SEC14L3: variants seen among roughly 807,000 people sequenced by gnomAD.
The protein encoded by SEC14L3 is SEC14-like protein 3.
In SEC14L3, 56 loss-of-function variants were observed where a neutral mutation model predicts 57.4. The ratio of observed to expected loss-of-function variants is 0.97; its 90% CI spans 0.79 to 1.22. The LOEUF is 1.22. Among genes scored for constraint, SEC14L3 ranks in the 50% most tolerant of loss-of-function variants. SEC14L3 has a pLI of 0.00. For missense variants in SEC14L3, 485 were observed against 511.7 expected, an observed-to-expected ratio of 0.95 and a Z score of 0.50; for synonymous variants, 173 against 194.4, an observed-to-expected ratio of 0.89 and a Z score of 0.92.
downstream of SEC14L3, among the ~76,000 whole-genome samples, chr22:30,454,948 TATATATCATATAATA>T (rs1569225468): frequency 3.0e-3 from 100 of 33,422 alleles, no homozygotes; most frequent in African/African-American, 0.012. Context: ...AATATATTAT[TATATATCATATAATA>T]GATATATAAT....
At chr22:30,453,112 T>A (rs1051331848) in intron 12 of SEC14L3, among the ~76,000 whole-genome samples, 1 of 152,176 alleles carries the variant, frequency 6.6e-6, no homozygotes, top group Non-Finnish European at 1.5e-5. Flanking sequence ...ACTAGAAAAT[T>A]CAGGTACCTC....
At chr22:30,470,359 T>A (rs991686612) in intron 2 of SEC14L3, 104 bp from the exon 3 acceptor site, 9 of 1,589,082 alleles carry the variant, frequency 5.7e-6, no homozygotes, top group Non-Finnish European at 7.7e-6. Context: ...GAGACCTTGC[T>A]CCCCTACCCC....
chr22:30,448,355 C>G (rs1275701592), exon 13 of SEC14L3: 2 of 152,208 alleles, frequency 1.3e-5, no homozygotes, highest in African/African-American at 4.8e-5. Flanking sequence ...TTGACCGTCA[C>G]AGTGCATCTG....
intron 12 of SEC14L3, among the ~76,000 whole-genome samples, chr22:30,453,472 G>A (rs1935024981): frequency 6.6e-6 from 1 of 152,128 alleles, no homozygotes; most frequent in South Asian, 2.1e-4. Flanking sequence ...GGGTGCAATG[G>A]CGCAATCTCA....
chr22:30,454,602 T>TATA (rs10677218), downstream of SEC14L3, among the ~76,000 whole-genome samples: 60,737 of 95,656 alleles, frequency 0.63, 20,117 homozygotes, highest in African/African-American at 0.81. Context: ...ATATATAATC[T>TATA]ATAATATTAT....
At chr22:30,455,135 T>A (rs796883226), downstream of SEC14L3, among the ~76,000 whole-genome samples, 326 of 96,474 alleles carry the variant, frequency 3.4e-3, 1 homozygote, top group East Asian at 6.7e-3. Context: ...ATATTATATT[T>A]AATATTTAAT....
chr22:30,455,298 G>A (rs558151355), downstream of SEC14L3, among the ~76,000 whole-genome samples: 282 of 141,954 alleles, frequency 2.0e-3, 2 homozygotes, highest in African/African-American at 7.1e-3. Context: ...GCCCAGGCTG[G>A]AGTGCAGTGA....
At chr22:30,454,859 TTA>T (rs1569225310), downstream of SEC14L3, among the ~76,000 whole-genome samples, 79 of 47,826 alleles carry the variant, frequency 1.7e-3, 3 homozygotes, top group South Asian at 2.2e-3. Context: ...TATTATATTA[TTA>T]TATAATACAT....
At chr22:30,454,494 T>TATTATATATA (rs1197240632), downstream of SEC14L3, among the ~76,000 whole-genome samples, 1 of 141,584 alleles carries the variant, frequency 7.1e-6, no homozygotes, top group Non-Finnish European at 1.5e-5. Context: ...ATAATAATAT[T>TATTATATATA]ATTATATATA....
intron 12 of SEC14L3, among the ~76,000 whole-genome samples, chr22:30,449,581 T>C (rs1189264387): frequency 6.9e-6 from 1 of 143,926 alleles, no homozygotes; most frequent in Non-Finnish European, 1.5e-5. Context: ...TTTTTTTTTT[T>C]TGAGATGGAG....
Position 30,470,261 on chromosome 22 carries a change from G to C in SEC14L3, c.131-6C>G, listed in dbSNP as rs1319639496. ...CTGCAAGTCAAAATTCCGAGCTGTGGGAAAACAGAAGGAAGGTGTGAGACA... is the reference window on the plus strand; with the variant it reads ...CTGCAAGTCAAAATTCCGAGCTGTGCGAAAACAGAAGGAAGGTGTGAGACA... On this transcript the variant is annotated splice_region_variant and splice_polypyrimidine_tract_variant and intron_variant, in intron 2 of 11. Coordinates refer to ENST00000215812, the MANE Select transcript of SEC14L3 (RefSeq NM_174975.5). 6.2e-7 allele frequency: 1 copy of C among 1,612,838 alleles called. No homozygotes were observed. The highest frequency in any genetic ancestry group is 8.5e-7 in the Non-Finnish European group (1 of 1,179,502).
At chr22:30,469,331 A>G (rs1471244177) in intron 4 of SEC14L3, among the ~76,000 whole-genome samples, 1 of 151,732 alleles carries the variant, frequency 6.6e-6, no homozygotes, top group Non-Finnish European at 1.5e-5. Flanking sequence ...AAAAAAGCAG[A>G]TACTGCTGCT....
chr22:30,460,828 CAAAAAAAAAAAA>C (rs747778887), intron 11 of SEC14L3, among the ~76,000 whole-genome samples: 7 of 104,424 alleles, frequency 6.7e-5, no homozygotes, highest in African/African-American at 2.2e-4. Context: ...AACTCTGTCT[CAAAAAAAAAAAA>C]AAAAAAAAAA....
At chr22:30,466,882 A>T in intron 6 of SEC14L3, 100 bp downstream of exon 6, 1 of 1,155,872 alleles carries the variant, frequency 8.7e-7, no homozygotes, top group Non-Finnish European at 1.2e-6. Context: ...AGCCCAGGAC[A>T]TTTTTAAACT....
intron 7 of SEC14L3, among the ~76,000 whole-genome samples, chr22:30,466,086 T>A (rs995786914): frequency 6.6e-6 from 1 of 152,178 alleles, no homozygotes; most frequent in Admixed American, 6.5e-5. Flanking sequence ...GAGATCATCA[T>A]GGACAGGAGA....
Position 30,460,137 on chromosome 22 carries a change from G to A in SEC14L3, c.1087C>T (p.Leu363=), listed in dbSNP as rs1238175490. The change falls in exon 12 of 12, where the codon CTA becomes TTA. Residue 363 remains leucine (L), a synonymous_variant. Coordinates refer to ENST00000215812, the MANE Select transcript of SEC14L3 (RefSeq NM_174975.5). ...AAGCTATAGGTGTTGTCGAAGCGTAGGACATCTGGGGGACAGATGGAAAGA... is the reference window on the plus strand; with the variant it reads ...AAGCTATAGGTGTTGTCGAAGCGTAAGACATCTGGGGGACAGATGGAAAGA... The part of the protein sequence containing the change: ...LTCSEAGVYV[L]RFDNTYSFVH... 1 of 1,613,824 alleles carries A rather than the reference G, an allele frequency of 6.2e-7. No individual in the cohort carries two copies. Among genetic ancestry groups the A allele is most frequent in the Admixed American group, 1.7e-5 (1 of 60,020 alleles).
At chr22:30,447,896 C>G (rs1934908363), downstream of SEC14L3, 1 of 151,576 alleles carries the variant, frequency 6.6e-6, no homozygotes, top group African/African-American at 2.4e-5. Context: ...GGTTCCTTCC[C>G]CAGCCTCTTC....
chr22:30,459,845 T>C lies in SEC14L3; in HGVS notation c.*176A>G. On this transcript the variant is annotated 3_prime_UTR_variant, in exon 12 of 12. Transcript: ENST00000215812. ...TTGGTACCCTCCAAGGTTGTGCCTC[T>C]CATACCTTTCTTGATCTGACCACAG... 7.4e-7 allele frequency: 1 copy of C among 1,348,444 alleles called. No homozygotes were observed. The highest frequency in any genetic ancestry group is 9.6e-7 in the Non-Finnish European group (1 of 1,045,880). The allele number at this position is 1,348,444 out of a possible 1,614,324, so 83.5% of individuals were successfully genotyped here. A position where few individuals can be genotyped will look rare whatever the true frequency, so the allele number is the denominator to read the frequency against.
downstream of SEC14L3, among the ~76,000 whole-genome samples, chr22:30,455,106 A>T (rs756749385): frequency 2.1e-3 from 55 of 26,722 alleles, no homozygotes; most frequent in African/African-American, 8.4e-3. Flanking sequence ...TAATATATTT[A>T]ATATTTAATA....
Sources: allele counts gnomAD v4.1 joint callset (sites outside exome capture counted in the v4.1 genomes callset), GRCh38; gene constraint gnomAD v4.1.1; transcripts MANE v1.5; gene names NCBI Gene and HGNC (gene_info 2026-07-23, HGNC 2026-07-21).